FLRT1: variants seen among roughly 807,000 people sequenced by gnomAD.
FLRT1 encodes leucine-rich repeat transmembrane protein FLRT1.
Under a neutral mutation model 30.9 loss-of-function variants are expected in FLRT1, and 14 were observed. That is an observed-to-expected ratio of 0.45 (90% confidence interval 0.30 to 0.71). The LOEUF is 0.71. FLRT1 is among the 30% of genes least tolerant of loss of function. FLRT1 has a pLI of 0.08. For synonymous variants in FLRT1, 368 were observed against 430.4 expected (o/e 0.85, Z 1.80); for missense variants, 737 against 949.2 (o/e 0.78, Z 2.94).
rs116384523 is a variant in FLRT1 at position 64,057,882 on chromosome 11, C to T, written c.-1038+21723C>T. Among the ~76,000 whole-genome samples, 1,154 of 152,346 alleles carry T rather than the reference C, an allele frequency of 7.6e-3. 11 individuals are homozygous for T. The highest frequency in any genetic ancestry group is 0.025 in the African/African-American group (1,060 of 41,580). On this transcript the variant is annotated intron_variant, in intron 1 of 2. Coordinates refer to ENST00000682287, the MANE Select transcript of FLRT1 (RefSeq NM_013280.5). ...AAACCGAGGCACGAATTCGTGAGGT[C>T]ACAGGATTTGAACTCATGTGGGTGC... is the stretch of plus-strand genomic sequence containing the variant.
rs960708444 is a variant in FLRT1 at position 64,064,214 on chromosome 11, G to A, written c.-1038+28055G>A. 6.6e-6 allele frequency among the ~76,000 whole-genome samples: 1 copy of A among 151,902 alleles called. No homozygotes were observed. The highest frequency in any genetic ancestry group is 1.5e-5 in the Non-Finnish European group (1 of 68,030). The stretch of plus-strand genomic sequence containing the variant: ...TACATGAATAAAACATCAGTGTAGG[G>A]GAAAAAAATCCCAAACTGCACAGCC... On this transcript the variant is annotated intron_variant, in intron 1 of 2. Transcript: ENST00000682287. This position sits in a 1 kb window ranked among gnomAD's most constrained non-coding sequence, Gnocchi z 4.5.
At chr11:64,078,074 C>T (rs1363831652) in intron 1 of FLRT1, among the ~76,000 whole-genome samples, 1 of 152,210 alleles carries the variant, frequency 6.6e-6, no homozygotes, top group African/African-American at 2.4e-5. Context: ...AATGGCCTTC[C>T]CTTTCACAGT....
intron 1 of FLRT1, among the ~76,000 whole-genome samples, chr11:64,092,087 G>A (rs1167431328): frequency 6.6e-6 from 1 of 152,206 alleles, no homozygotes; most frequent in Non-Finnish European, 1.5e-5. Context: ...ACACTCTGGT[G>A]TATTCAAAAG....
In FLRT1 at chr11:64,067,761, G is replaced by T. The variant is rs1490652988; in HGVS notation, c.-1038+31602G>T. Among the ~76,000 whole-genome samples, 1 of 152,214 alleles carries T rather than the reference G, an allele frequency of 6.6e-6. No individual in the cohort carries two copies. The highest frequency in any genetic ancestry group is 2.4e-5 in the African/African-American group (1 of 41,448). ...TGCCACCCCCAGCTTGTGAACTGGG[G>T]GTGGCCCCAGAGCTGTTTGTTTTCC... On this transcript the variant is annotated intron_variant, in intron 1 of 2. Coordinates refer to ENST00000682287, the MANE Select transcript of FLRT1 (RefSeq NM_013280.5). The surrounding 1 kb of genome is among the most constrained non-coding windows in gnomAD (Gnocchi z 4.6).
intron 1 of FLRT1, among the ~76,000 whole-genome samples, chr11:64,069,651 G>A (rs1194489281): frequency 6.6e-6 from 1 of 152,160 alleles, no homozygotes; most frequent in African/African-American, 2.4e-5. Flanking sequence ...CTGGGCATGG[G>A]GAGGCAGCCC....
chr11:64,093,253 T>C (rs1417412160), intron 1 of FLRT1, among the ~76,000 whole-genome samples: 1 of 152,244 alleles, frequency 6.6e-6, no homozygotes, highest in African/African-American at 2.4e-5. Flanking sequence ...ATTATCCACA[T>C]CAACATCTCA....
intron 1 of FLRT1, among the ~76,000 whole-genome samples, chr11:64,080,137 C>T (rs756583867): frequency 1.6e-4 from 24 of 152,270 alleles, no homozygotes; most frequent in Middle Eastern, 3.4e-3. Context: ...CTCAGCCTCC[C>T]GAGTAGCGGG....
chr11:64,095,207 G>A (rs1011916148), intron 1 of FLRT1, among the ~76,000 whole-genome samples: 2 of 152,160 alleles, frequency 1.3e-5, no homozygotes, highest in African/African-American at 4.8e-5. Flanking sequence ...ATTTAAAATA[G>A]TCTCTCTTTT....
At position 64,090,637 on chromosome 11, in the gene FLRT1, C is replaced by T. The variant is rs1181715965; in HGVS notation, c.-1037-12557C>T. 4.6e-5 allele frequency among the ~76,000 whole-genome samples: 7 copies of T among 152,156 alleles called. No individual in the cohort carries two copies. Among genetic ancestry groups the T allele is most frequent in the African/African-American group, 9.7e-5 (4 of 41,434 alleles). ...AGGAGGGGTCCCAGCTGGAGCACTG[C>T]GCAGCCCCAGGCCTTGTCCCCAGCC... is the stretch of plus-strand genomic sequence containing the variant. On this transcript the variant is annotated intron_variant, in intron 1 of 2. Coordinates refer to ENST00000682287, the MANE Select transcript of FLRT1 (RefSeq NM_013280.5). This position sits in a 1 kb window ranked among gnomAD's most constrained non-coding sequence, Gnocchi z 4.7.
rs551095306 is a variant in FLRT1 at position 64,064,312 on chromosome 11, G to A, written c.-1038+28153G>A. Reference sequence around the variant, plus strand: ...GCAGCCCTGTTCAGGCGGCGGGTAGGGGGGTGATGTCTCATCAGAAGAGGG... The same window carrying A: ...GCAGCCCTGTTCAGGCGGCGGGTAGAGGGGTGATGTCTCATCAGAAGAGGG... On this transcript the variant is annotated intron_variant, in intron 1 of 2. Transcript: ENST00000682287. The surrounding 1 kb of genome is among the most constrained non-coding windows in gnomAD (Gnocchi z 4.5). 6.6e-6 allele frequency among the ~76,000 whole-genome samples: 1 copy of A among 152,224 alleles called. No homozygotes were observed. Among genetic ancestry groups the A allele is most frequent in the Non-Finnish European group, 1.5e-5 (1 of 68,040 alleles).
chr11:64,045,118 T>G (rs1331700800), intron 1 of FLRT1, among the ~76,000 whole-genome samples: 2 of 152,074 alleles, frequency 1.3e-5, no homozygotes, highest in Admixed American at 1.3e-4. Flanking sequence ...GGGTGGCATG[T>G]GCTTCTGCCT....
In FLRT1 at chr11:64,118,256, C is replaced by T. The variant is rs1462138707; in HGVS notation, c.1989C>T (p.Asp663=). Reference sequence around the variant, plus strand: ...ACGGCACCACGCGGGGCTACCGGGACGGCGGCATCCCCGACATAGACTACT... The same window carrying T: ...ACGGCACCACGCGGGGCTACCGGGATGGCGGCATCCCCGACATAGACTACT... ...IGYGTTRGYR[D]GGIPDIDYSY... is the part of the protein sequence containing the mutation. Residue 663 remains aspartate (D), a synonymous_variant, in exon 3 of 3, where the codon GAC becomes GAT. Transcript: ENST00000682287. 7.5e-6 allele frequency: 12 copies of T among 1,597,916 alleles called. No individual in the cohort carries two copies. Among genetic ancestry groups the T allele is most frequent in the Admixed American group, 3.4e-5 (2 of 59,288 alleles).
intron 2 of FLRT1, among the ~76,000 whole-genome samples, chr11:64,113,140 G>T: frequency 6.6e-6 from 1 of 152,206 alleles, no homozygotes; most frequent in East Asian, 1.9e-4. Flanking sequence ...TCTTGAGTAA[G>T]CTAACATCTC....
Position 64,118,052 on chromosome 11 carries a change from G to C in FLRT1, c.1785G>C (p.Arg595Ser), listed in dbSNP as rs1417992326. The change falls in exon 3 of 3, where the codon AGG (arginine) becomes AGC (serine). Residue 595 changes from arginine (R) to serine (S), a missense_variant. Arg to Ser is a moderately radical substitution (Grantham distance 110). Transcript: ENST00000682287. ...TRERAYNRGSRKKDDYMESGT... is the reference protein window; with the variant it reads ...TRERAYNRGSSKKDDYMESGT... ...AGAGGGCCTACAACCGGGGCAGCAGGAAAAAGGATGACTATATGGAGTCAG... is the reference window on the plus strand; with the variant it reads ...AGAGGGCCTACAACCGGGGCAGCAGCAAAAAGGATGACTATATGGAGTCAG... The C allele has an allele frequency of 4.3e-6, 7 of 1,613,188 alleles. No homozygotes were observed. The highest frequency in any genetic ancestry group is 5.9e-6 in the Non-Finnish European group (7 of 1,179,772).
At chr11:64,048,861 A>T (rs947629065) in intron 1 of FLRT1, among the ~76,000 whole-genome samples, 1 of 152,146 alleles carries the variant, frequency 6.6e-6, no homozygotes, top group Non-Finnish European at 1.5e-5. Context: ...GGGCCATCCC[A>T]TGGTGCAAAC....
chr11:64,081,055 C>T (rs2701545), intron 1 of FLRT1, among the ~76,000 whole-genome samples: 131,973 of 152,150 alleles, frequency 0.87, 58,615 homozygotes, highest in Middle Eastern at 0.98. Flanking sequence ...GAAGTCTTGC[C>T]CTGTCCCCTA....
chr11:64,093,328 A>T (rs1409793180), intron 1 of FLRT1, among the ~76,000 whole-genome samples: 3 of 152,190 alleles, frequency 2.0e-5, no homozygotes, highest in African/African-American at 7.2e-5. Context: ...ACTGCTGCGG[A>T]CACAGTCCTT....
At position 64,064,945 on chromosome 11, in the gene FLRT1, G is replaced by A. The variant is rs1222235632; in HGVS notation, c.-1038+28786G>A. On this transcript the variant is annotated intron_variant, in intron 1 of 2. Coordinates refer to ENST00000682287, the MANE Select transcript of FLRT1 (RefSeq NM_013280.5). This position sits in a 1 kb window ranked among gnomAD's most constrained non-coding sequence, Gnocchi z 4.5. Reference sequence around the variant, plus strand: ...CGGCAGGCAGGAGGGCCACCATGGTGACTGAGACAGACTCAGGGTCTTTCC... The same window carrying A: ...CGGCAGGCAGGAGGGCCACCATGGTAACTGAGACAGACTCAGGGTCTTTCC... Among the ~76,000 whole-genome samples, 6 of 151,646 alleles carry A rather than the reference G, an allele frequency of 4.0e-5. No homozygotes were observed. The East Asian group carries it at 1.2e-3, about 30-fold the overall frequency.
intron 1 of FLRT1, among the ~76,000 whole-genome samples, chr11:64,085,841 G>A (rs1944384184): frequency 6.6e-6 from 1 of 152,214 alleles, no homozygotes; most frequent in Non-Finnish European, 1.5e-5. Context: ...CAGGGATGCA[G>A]GAGGAATAAG....
Sources: gnomAD v4.1 joint callset for allele counts (sites outside exome capture counted in the v4.1 genomes callset) on GRCh38, gnomAD v4.1.1 for gene constraint, Gnocchi (gnomAD v3.1) non-coding constraint, MANE v1.5 for transcripts, NCBI Gene and HGNC (gene_info 2026-07-23, HGNC 2026-07-21) for gene names.